The following SRP54 variants were observed in gnomAD, a reference collection of about 807,000 sequenced individuals.
SRP54 encodes the protein signal recognition particle subunit SRP54.
In SRP54, 10 loss-of-function variants were observed where a neutral mutation model predicts 64.8. That is an observed-to-expected ratio of 0.15 (90% CI 0.10 to 0.26). The LOEUF (loss-of-function observed/expected upper bound fraction) is 0.26, where lower values mean the gene tolerates loss of function less well. SRP54 is among the 10% of genes least tolerant of loss of function. SRP54 has a pLI of 1.00. For missense variants in SRP54, 325 were observed against 613.7 expected (o/e 0.53, Z 4.97); for synonymous variants, 193 against 185.6 (o/e 1.04, Z -0.32).
chr14:34,984,346 G>A (rs1015496335), intron 1 of SRP54, among the ~76,000 whole-genome samples: 2 of 152,092 alleles, frequency 1.3e-5, no homozygotes, highest in African/African-American at 4.8e-5. Flanking sequence ...TATCTCTTTG[G>A]TTATTTTCAG....
intron 2 of SRP54, among the ~76,000 whole-genome samples, chr14:34,998,649 T>A (rs1014467998): frequency 2.0e-5 from 3 of 151,774 alleles, no homozygotes; most frequent in African/African-American, 4.8e-5. Context: ...CCATCTCTAC[T>A]AACAATACAA....
At chr14:35,016,397 G>C (rs932042299) in intron 11 of SRP54, among the ~76,000 whole-genome samples, 1 of 152,188 alleles carries the variant, frequency 6.6e-6, no homozygotes, top group Non-Finnish European at 1.5e-5. Flanking sequence ...TTAGTATTCT[G>C]TGTGCCAGCT....
rs2044390756 is a variant in SRP54, at chr14:35,013,718, A to G, written c.786-84A>G. 3 of 1,249,190 alleles carry G rather than the reference A, an allele frequency of 2.4e-6. No homozygotes were observed. The South Asian group carries it at 4.1e-5, about 17-fold the overall frequency. 77.4% of individuals were successfully genotyped at this position (1,249,190 alleles called of 1,614,324 possible). On this transcript the variant is annotated intron_variant, in intron 9 of 15. Coordinates refer to ENST00000216774, the MANE Select transcript of SRP54 (RefSeq NM_003136.4). Reference sequence around the variant, plus strand: ...TGTACCTTTGTCTAATTAGCTTTGGAGGCGGATTCACTTCGAATTTCAGAT... The same window carrying G: ...TGTACCTTTGTCTAATTAGCTTTGGGGGCGGATTCACTTCGAATTTCAGAT...
chr14:35,006,270 G>A (rs189536053), intron 4 of SRP54, among the ~76,000 whole-genome samples: 1 of 152,176 alleles, frequency 6.6e-6, no homozygotes, highest in Admixed American at 6.5e-5. Flanking sequence ...TAAATATTTG[G>A]CATTGGAGAA....
intron 1 of SRP54, among the ~76,000 whole-genome samples, chr14:34,991,419 C>T (rs1159128138): frequency 1.4e-5 from 2 of 144,424 alleles, no homozygotes; most frequent in Admixed American, 1.4e-4. Flanking sequence ...CATGAGCCAC[C>T]ACACCTGGCC....
At chr14:35,023,209 G>A in intron 14 of SRP54, 129 bp downstream of exon 14, 2 of 696,602 alleles carry the variant, frequency 2.9e-6, no homozygotes, top group Non-Finnish European at 4.5e-6. Context: ...CAGGATTTAT[G>A]TGACCTGTGA....
chr14:35,002,309 G>A (rs568631503), intron 4 of SRP54, among the ~76,000 whole-genome samples: 1 of 152,122 alleles, frequency 6.6e-6, no homozygotes, highest in Non-Finnish European at 1.5e-5. Context: ...AGCCGTGATT[G>A]TGCCACTGCA....
chr14:35,026,301 C>T (rs555452034), intron 14 of SRP54, among the ~76,000 whole-genome samples: 1 of 152,014 alleles, frequency 6.6e-6, no homozygotes, highest in African/African-American at 2.4e-5. Flanking sequence ...GATCATGGCT[C>T]ACTGCAGCCT....
At chr14:35,018,809 A>C (rs1323957614) in intron 12 of SRP54, 44 bp downstream of exon 12, 4 of 1,546,410 alleles carry the variant, frequency 2.6e-6, no homozygotes, top group Admixed American at 1.9e-5. Flanking sequence ...GTTTTCATTA[A>C]ATTTTCTAAA....
chr14:34,992,928 C>T (rs2038254), intron 1 of SRP54, among the ~76,000 whole-genome samples: 25,959 of 151,824 alleles, frequency 0.17, 2,395 homozygotes, highest in East Asian at 0.31. Flanking sequence ...GATGTGATCT[C>T]GGCTCATTGC....
Position 35,018,744 on chromosome 14 carries a change from G to A in SRP54, c.1026G>A (p.Met342Ile), listed in dbSNP as rs957100298. Residue 342 changes from methionine to isoleucine, a missense_variant, in exon 12 of 16, where the codon ATG (methionine) becomes ATA (isoleucine). This residue lies in a region of SRP54 where 146 missense variants were observed against 337.4 expected (regional missense o/e 0.43). Coordinates refer to ENST00000216774, the MANE Select transcript of SRP54 (RefSeq NM_003136.4). ...MYEQFQNIMK[M>I]GPFSQILGMI... is the part of the protein sequence containing the mutation. ...AGCAATTTCAAAATATCATGAAAAT[G>A]GGCCCCTTCAGTCAGATCTTGGTTA... The A allele has an allele frequency of 3.1e-6, 5 of 1,613,330 alleles. No homozygotes were observed. Among genetic ancestry groups the A allele is most frequent in the Admixed American group, 3.3e-5 (2 of 59,916 alleles).
At chr14:35,004,707 TG>T (rs1489475125) in intron 4 of SRP54, 1 of 152,190 alleles carries the variant, frequency 6.6e-6, no homozygotes, top group Non-Finnish European at 1.5e-5. Context: ...CATAGAGAGC[TG>T]GGAGTTTTTG....
At position 34,987,230 on chromosome 14, in the gene SRP54, GAAAAA is replaced by G. The variant is rs199590717; in HGVS notation, c.-34+4028_-34+4032del. ...TGGGTGACAGAGAGACACTACATCT[GAAAAA>G]AAAAAAAAAAAATATATATATATAT... On this transcript the variant is annotated intron_variant, in intron 1 of 15. Transcript: ENST00000216774. 1.4e-3 allele frequency among the ~76,000 whole-genome samples: 180 copies of G among 124,302 alleles called. 4 individuals are homozygous for G. Among genetic ancestry groups the G allele is most frequent in the Middle Eastern group, 4.3e-3 (1 of 232 alleles). The allele number at this position is 124,302 out of a possible 152,430, so 81.5% of individuals were successfully genotyped here. A position where few individuals can be genotyped will look rare whatever the true frequency, so the allele number is the denominator to read the frequency against.
Position 35,008,796 on chromosome 14 carries a change from G to T in SRP54, c.450G>T (p.Gln150His). The change falls in exon 7 of 16, where the codon CAG becomes CAT. Residue 150 changes from glutamine to histidine, a missense_variant. By Grantham distance (24) the Gln-to-His change is conservative. This residue lies in a region of SRP54 where 156 missense variants were observed against 254.6 expected (regional missense o/e 0.61). Transcript: ENST00000216774. Reference protein sequence around the residue: ...FRAGAFDQLKQNATKARIPFY... With the variant: ...FRAGAFDQLKHNATKARIPFY... ...CAGGGGCTTTTGACCAACTAAAACA[G>T]AATGCTACCAAAGCAAGAATTCCAT... 6.2e-7 allele frequency: 1 copy of T among 1,607,892 alleles called. No homozygotes were observed. The highest frequency in any genetic ancestry group is 8.5e-7 in the Non-Finnish European group (1 of 1,177,572).
At chr14:35,028,231 G>T (rs781259005) in intron 15 of SRP54, 48 bp downstream of exon 15, 1 of 1,221,832 alleles carries the variant, frequency 8.2e-7, no homozygotes, top group Admixed American at 2.0e-5. Flanking sequence ...AATTTATAAG[G>T]GTTGAGTTTT....
At position 34,999,645 on chromosome 14, in the gene SRP54, G is replaced by A. The variant is rs1471592825; in HGVS notation, c.166G>A (p.Val56Ile). ...ACTAGTGAAGCAACTAAGAGAAAAT[G>A]TTAAGTAAGTTAAATCAATCAGGTA... ...IKLVKQLRENVKSAIDLEEMA... is the reference protein window; with the variant it reads ...IKLVKQLRENIKSAIDLEEMA... The change falls in exon 3 of 16, where the codon GTT becomes ATT. Residue 56 changes from valine to isoleucine, a missense_variant. Coordinates refer to ENST00000216774, the MANE Select transcript of SRP54 (RefSeq NM_003136.4). The A allele has an allele frequency of 1.2e-6, 2 of 1,605,142 alleles. No individual in the cohort carries two copies. Among genetic ancestry groups the A allele is most frequent in the Non-Finnish European group, 1.7e-6 (2 of 1,172,258 alleles).
intron 13 of SRP54, among the ~76,000 whole-genome samples, chr14:35,020,365 A>T (rs1009831980): frequency 6.6e-6 from 1 of 152,088 alleles, no homozygotes; most frequent in Non-Finnish European, 1.5e-5. Context: ...AAAACACAAG[A>T]ATGAAATTTG....
At chr14:34,983,711 T>C (rs1350584776) in intron 1 of SRP54, among the ~76,000 whole-genome samples, 1 of 152,220 alleles carries the variant, frequency 6.6e-6, no homozygotes, top group Non-Finnish European at 1.5e-5. Flanking sequence ...AACTTTCCCC[T>C]GCTGCCTTTC....
chr14:35,024,225 C>G (rs1382268948), intron 14 of SRP54, among the ~76,000 whole-genome samples: 3 of 152,096 alleles, frequency 2.0e-5, no homozygotes, highest in Admixed American at 2.0e-4. Flanking sequence ...GACGGGGTTT[C>G]ACTATGTTGG....
Sources: gnomAD v4.1 joint callset for allele counts (sites outside exome capture counted in the v4.1 genomes callset) on GRCh38, gnomAD v4.1.1 for gene constraint, gnomAD v4.1.1 regional missense constraint, MANE v1.5 for transcripts, NCBI Gene and HGNC (gene_info 2026-07-23, HGNC 2026-07-21) for gene names.